Variants in NAV3 observed in about 807,000 individuals in gnomAD.
NAV3 encodes neuron navigator 3, also known as pore membrane and/or filament interacting like protein 1.
A neutral mutation model predicts 244.7 loss-of-function variants in NAV3; 87 were observed. The ratio of observed to expected loss-of-function variants is 0.36; its 90% CI spans 0.30 to 0.42. The LOEUF is 0.42. Ranked by LOEUF, NAV3 falls within the 20% of genes least tolerant of loss-of-function variation. NAV3 has a pLI of 1.00. For missense variants in NAV3, 2,663 were observed against 2,893.3 expected (o/e 0.92, Z 1.83); for synonymous variants, 1,126 against 1,042.2 (o/e 1.08, Z -1.55).
At chr12:77,806,317 C>T (rs752839107) in intron 2 of NAV3, among the ~76,000 whole-genome samples, 1 of 152,092 alleles carries the variant, frequency 6.6e-6, no homozygotes, top group African/African-American at 2.4e-5. Flanking sequence ...CTATAAATTC[C>T]CCTCTAAACA....
chr12:77,873,484 A>G (rs1881299762), intron 1 of NAV3, among the ~76,000 whole-genome samples: 1 of 151,614 alleles, frequency 6.6e-6, no homozygotes, highest in Non-Finnish European at 1.5e-5. Flanking sequence ...TAATGATTGA[A>G]GTTATAAATC....
rs577869744 is a variant in NAV3, at chr12:77,666,184, T to G, written c.72+93918T>G. Among the ~76,000 whole-genome samples, 829 of 150,046 alleles carry G rather than the reference T, an allele frequency of 5.5e-3. 7 individuals carry two copies. Among genetic ancestry groups the G allele is most frequent in the African/African-American group, 0.019 (773 of 40,898 alleles). On this transcript the variant is annotated intron_variant, in intron 2 of 8. Coordinates refer to the NAV3 transcript ENST00000550042. ...CCAATAGCAACATGTTTACAGTTTT[T>G]TTTTTTTTTTTTTTGTCTAGTCAGG...
chr12:77,633,390 G>A lies in NAV3; in HGVS notation c.72+61124G>A, dbSNP rs189060671. 3.9e-5 allele frequency among the ~76,000 whole-genome samples: 6 copies of A among 152,088 alleles called. No homozygotes were observed. The East Asian group carries it at 1.2e-3, about 29-fold the overall frequency. On this transcript the variant is annotated intron_variant, in intron 2 of 8. Coordinates refer to the NAV3 transcript ENST00000550042. ...TGTAAAATAACGTTATTTTCCTGAA[G>A]CTAATCTATAATTGTATATCAAGTG...
chr12:78,107,342 T>A (rs1240723993), intron 12 of NAV3, among the ~76,000 whole-genome samples: 2 of 152,118 alleles, frequency 1.3e-5, no homozygotes, highest in Non-Finnish European at 2.9e-5. Flanking sequence ...AAATAATATA[T>A]GAAAACTTCC....
intron 2 of NAV3, among the ~76,000 whole-genome samples, chr12:77,693,164 G>A (rs1875116626): frequency 6.6e-6 from 1 of 152,074 alleles, no homozygotes; most frequent in Non-Finnish European, 1.5e-5. Flanking sequence ...TCTAAGAAAA[G>A]AAGCATGTTT....
intron 3 of NAV3, among the ~76,000 whole-genome samples, chr12:77,959,554 T>A (rs1891685126): frequency 6.6e-6 from 1 of 152,050 alleles, no homozygotes; most frequent in Non-Finnish European, 1.5e-5. Flanking sequence ...GTGCTAAGTG[T>A]TTTACATGTA....
chr12:77,854,864 T>C (rs1380933201), intron 1 of NAV3, among the ~76,000 whole-genome samples: 1 of 152,144 alleles, frequency 6.6e-6, no homozygotes, highest in Admixed American at 6.5e-5. Context: ...ACGCCTGTAA[T>C]CCCAGCACTT....
intron 2 of NAV3, among the ~76,000 whole-genome samples, chr12:77,821,738 T>G (rs1264475176): frequency 6.6e-6 from 1 of 152,206 alleles, no homozygotes; most frequent in Non-Finnish European, 1.5e-5. Flanking sequence ...AACACTGTTA[T>G]TATACATTGT....
rs115859120 is a variant in NAV3, at chr12:78,112,962, T to G, written c.2637-3810T>G. On this transcript the variant is annotated intron_variant, in intron 12 of 39. Coordinates refer to ENST00000397909, the MANE Select transcript of NAV3 (RefSeq NM_001024383.2). ...CACAGTCATTGGGTAAATACACAGATTCCAAACGGGAGGAATTGACCAAAA... is the reference window on the plus strand; with the variant it reads ...CACAGTCATTGGGTAAATACACAGAGTCCAAACGGGAGGAATTGACCAAAA... Among the ~76,000 whole-genome samples the G allele has an allele frequency of 4.9e-3, 746 of 152,278 alleles. 3 individuals are homozygous for G. Among genetic ancestry groups the G allele is most frequent in the African/African-American group, 0.017 (725 of 41,564 alleles).
intron 2 of NAV3, among the ~76,000 whole-genome samples, chr12:77,609,624 G>T (rs1235536265): frequency 6.6e-6 from 1 of 151,902 alleles, no homozygotes; most frequent in Non-Finnish European, 1.5e-5. Context: ...TGGGGCCTGA[G>T]AATTTGCATT....
At chr12:77,800,542 C>T (rs192368112) in intron 2 of NAV3, among the ~76,000 whole-genome samples, 203 of 152,100 alleles carry the variant, frequency 1.3e-3, no homozygotes, top group African/African-American at 4.1e-3. Flanking sequence ...TACTTACAAA[C>T]GAAAGAAAAT....
At chr12:78,078,638 G>T (rs1161374688) in intron 12 of NAV3, among the ~76,000 whole-genome samples, 2 of 150,176 alleles carry the variant, frequency 1.3e-5, no homozygotes, top group Non-Finnish European at 3.0e-5. Context: ...CTCGTGATCC[G>T]CCCACCTCGG....
intron 20 of NAV3, among the ~76,000 whole-genome samples, chr12:78,142,711 ATATACATATATATGTGTGTGTGTGTG>A (rs1412113506): frequency 0.013 from 945 of 71,454 alleles, 42 homozygotes; most frequent in Middle Eastern, 0.038. Flanking sequence ...ATGTGTATAT[ATATACATATATATGTGTGTGTGTGTG>A]TATATATATA....
chr12:78,040,154 G>A (rs568237345), intron 9 of NAV3, among the ~76,000 whole-genome samples: 1 of 152,210 alleles, frequency 6.6e-6, no homozygotes, highest in Admixed American at 6.5e-5. Context: ...TCCTTAGGGG[G>A]TTTGTAAGTA....
At chr12:78,053,783 C>G (rs1883107212) in intron 11 of NAV3, among the ~76,000 whole-genome samples, 2 of 152,110 alleles carry the variant, frequency 1.3e-5, no homozygotes, top group African/African-American at 4.8e-5. Flanking sequence ...TTAGCCTTAG[C>G]TGGAAACGTC....
At chr12:78,148,998 A>C in intron 22 of NAV3, 79 bp downstream of exon 22, 1 of 1,201,294 alleles carries the variant, frequency 8.3e-7, no homozygotes, top group Non-Finnish European at 1.2e-6. Context: ...ACAAACTTAC[A>C]AATTTTCAGT....
chr12:78,048,384 T>C (rs371398918), intron 9 of NAV3, among the ~76,000 whole-genome samples: 107 of 152,346 alleles, frequency 7.0e-4, no homozygotes, highest in African/African-American at 2.4e-3. Context: ...GTTTGTGACC[T>C]TCAAACGGGG....
intron 5 of NAV3, among the ~76,000 whole-genome samples, chr12:77,974,966 A>G (rs1197758087): frequency 6.6e-6 from 1 of 152,030 alleles, no homozygotes; most frequent in Non-Finnish European, 1.5e-5. Context: ...CCTTAAGTCA[A>G]CCTCATTACT....
At chr12:77,907,025 C>G (rs1565909705) in intron 1 of NAV3, among the ~76,000 whole-genome samples, 1 of 152,140 alleles carries the variant, frequency 6.6e-6, no homozygotes, top group Non-Finnish European at 1.5e-5. Flanking sequence ...ACTCCATTAT[C>G]TCTACTTTCT....
Sources: allele counts gnomAD v4.1 joint callset (sites outside exome capture counted in the v4.1 genomes callset), GRCh38; gene constraint gnomAD v4.1.1; transcripts MANE v1.5; gene names NCBI Gene and HGNC (gene_info 2026-07-23, HGNC 2026-07-21).